Variants in RTN1 observed in about 807,000 individuals in gnomAD.
RTN1 encodes reticulon 1.
RTN1 carries 25 observed loss-of-function variants against 65.5 expected under a neutral mutation model. The ratio of observed to expected loss-of-function variants is 0.38; its 90% CI spans 0.28 to 0.53. The LOEUF (loss-of-function observed/expected upper bound fraction) is 0.53, where lower values mean the gene tolerates loss of function less well. Ranked by LOEUF, RTN1 falls within the 20% of genes least tolerant of loss-of-function variation. The pLI, the probability that RTN1 is intolerant of heterozygous loss-of-function variation, is 0.79. For synonymous variants in RTN1, 471 were observed against 447.6 expected (o/e 1.05, Z -0.66); for missense variants, 983 against 1,025.4 (o/e 0.96, Z 0.57).
intron 3 of RTN1, among the ~76,000 whole-genome samples, chr14:59,687,478 C>T (rs567101065): frequency 1.3e-5 from 2 of 151,896 alleles, no homozygotes; most frequent in South Asian, 2.1e-4. Context: ...AGAGCACCTG[C>T]TCCCAAAGAC....
chr14:59,857,935 C>T (rs1347057567), intron 1 of RTN1, among the ~76,000 whole-genome samples: 3 of 152,164 alleles, frequency 2.0e-5, no homozygotes, highest in Admixed American at 6.5e-5. Context: ...ACTCAGACTG[C>T]CTTTCTGCTC....
chr14:59,627,754 AG>A (rs1882438901), intron 3 of RTN1, among the ~76,000 whole-genome samples: 1 of 152,208 alleles, frequency 6.6e-6, no homozygotes. Context: ...TGTGCACTAC[AG>A]TGTTTATGGC....
At chr14:59,649,665 G>T (rs1217533831) in intron 3 of RTN1, among the ~76,000 whole-genome samples, 1 of 152,142 alleles carries the variant, frequency 6.6e-6, no homozygotes, top group Non-Finnish European at 1.5e-5. Flanking sequence ...ATCATCACTG[G>T]TCATTATAGA....
At chr14:59,606,267 T>G (rs1362273157) in intron 4 of RTN1, among the ~76,000 whole-genome samples, 1 of 151,646 alleles carries the variant, frequency 6.6e-6, no homozygotes, top group African/African-American at 2.4e-5. Flanking sequence ...CTTTAAGTGC[T>G]TACTTAACCC....
intron 3 of RTN1, among the ~76,000 whole-genome samples, chr14:59,689,826 A>G (rs1179334527): frequency 6.6e-6 from 1 of 152,156 alleles, no homozygotes; most frequent in African/African-American, 2.4e-5. Context: ...ATAAAAGCAA[A>G]AGAATGAATG....
chr14:59,665,394 G>A (rs1883345285), intron 3 of RTN1, among the ~76,000 whole-genome samples: 1 of 152,158 alleles, frequency 6.6e-6, no homozygotes, highest in Admixed American at 6.6e-5. Context: ...CAAATGCTGA[G>A]AGATTTTGTC....
intron 1 of RTN1, among the ~76,000 whole-genome samples, chr14:59,764,400 A>C (rs1189291437): frequency 6.6e-6 from 1 of 151,442 alleles, no homozygotes; most frequent in African/African-American, 2.4e-5. Flanking sequence ...GGCTCACTGC[A>C]ACCTCCGCCT....
At chr14:59,813,691 A>C (rs1045495694) in intron 1 of RTN1, among the ~76,000 whole-genome samples, 6 of 152,214 alleles carry the variant, frequency 3.9e-5, no homozygotes, top group African/African-American at 1.4e-4. Context: ...ACATTGCTCT[A>C]TTTTCCTCAG....
At chr14:59,610,324 G>A (rs1881908640) in intron 3 of RTN1, 1 of 570,068 alleles carries the variant, frequency 1.8e-6, no homozygotes. Context: ...ATTGCAGGAG[G>A]TTTCTAATAA....
rs139910085 is a variant in RTN1 at position 59,749,206 on chromosome 14, A to C, written c.242-2725T>G. 3.5e-3 allele frequency among the ~76,000 whole-genome samples: 333 copies of C among 94,116 alleles called. 61 individuals carry two copies. Among genetic ancestry groups the C allele is most frequent in the African/African-American group, 0.021 (292 of 13,710 alleles). The allele number at this position is 94,116 out of a possible 152,430, so 61.7% of individuals were successfully genotyped here. On this transcript the variant is annotated intron_variant, in intron 1 of 8. Transcript: ENST00000267484. ...TATCTATCTATATATATCTATATATATATCTATATATATCTATATATCTAT... is the reference window on the plus strand; with the variant it reads ...TATCTATCTATATATATCTATATATCTATCTATATATATCTATATATCTAT...
At chr14:59,775,604 T>C (rs539432374) in intron 1 of RTN1, among the ~76,000 whole-genome samples, 3 of 152,284 alleles carry the variant, frequency 2.0e-5, no homozygotes, top group Non-Finnish European at 4.4e-5. Context: ...CTATTAATTA[T>C]TCCCATTTAA....
At chr14:59,701,884 T>C (rs979134554) in intron 3 of RTN1, among the ~76,000 whole-genome samples, 1 of 152,138 alleles carries the variant, frequency 6.6e-6, no homozygotes. Context: ...AAATTGGATA[T>C]AGTTTGCTGA....
intron 3 of RTN1, chr14:59,630,406 C>T: frequency 6.2e-7 from 1 of 1,612,304 alleles, no homozygotes. Flanking sequence ...CCGGGTTTCC[C>T]GTGCGCCTCA....
chr14:59,870,471 T>A lies in RTN1; in HGVS notation c.160A>T (p.Arg54Trp). The A allele has an allele frequency of 6.8e-7, 1 of 1,480,346 alleles. No homozygotes were observed. The highest frequency in any genetic ancestry group is 1.3e-5 in the South Asian group (1 of 77,856). 91.7% of individuals were successfully genotyped at this position (1,480,346 alleles called of 1,614,324 possible). A position where few individuals can be genotyped will look rare whatever the true frequency, so the allele number is the denominator to read the frequency against. The change falls in exon 1 of 9, where the codon AGG (arginine) becomes TGG (tryptophan). Residue 54 changes from arginine to tryptophan, a missense_variant. Around this residue, in one of 2 missense-constraint regions of RTN1, gnomAD observed 818 missense variants for 801.8 expected, o/e 1.02. Coordinates refer to ENST00000267484, the MANE Select transcript of RTN1 (RefSeq NM_021136.3). This position sits in a 1 kb window ranked among gnomAD's most constrained non-coding sequence, Gnocchi z 5.1. The part of the protein sequence containing the change: ...AGEPSPGLGA[R>W]AREAASREAG... ...TCCCGCGACGCCGCTTCCCGGGCCC[T>A]GGCGCCCAACCCCGGGCTGGGCTCC...
chr14:59,619,111 G>C (rs1357572145), intron 3 of RTN1, among the ~76,000 whole-genome samples: 2 of 152,198 alleles, frequency 1.3e-5, no homozygotes, highest in African/African-American at 4.8e-5. Flanking sequence ...AGATGGGGTG[G>C]ATAAAAGGAA....
chr14:59,845,225 A>G (rs566470221), intron 1 of RTN1, among the ~76,000 whole-genome samples: 1 of 152,312 alleles, frequency 6.6e-6, no homozygotes, highest in Admixed American at 6.5e-5. Flanking sequence ...AATACTCTTT[A>G]TAACCATTAA....
At chr14:59,736,262 T>A (rs900801293) in intron 2 of RTN1, among the ~76,000 whole-genome samples, 8 of 150,950 alleles carry the variant, frequency 5.3e-5, no homozygotes, top group African/African-American at 1.7e-4. Context: ...AAAAATAATT[T>A]TAAAAATCAA....
chr14:59,824,143 A>G (rs1433166892), intron 1 of RTN1, among the ~76,000 whole-genome samples: 1 of 152,230 alleles, frequency 6.6e-6, no homozygotes, highest in African/African-American at 2.4e-5. Context: ...TGGATGTAGT[A>G]AAGATTCAAT....
chr14:59,618,486 G>C (rs890348801), intron 3 of RTN1, among the ~76,000 whole-genome samples: 44 of 152,200 alleles, frequency 2.9e-4, no homozygotes, highest in African/African-American at 9.6e-4. Context: ...ACTGGCTTCC[G>C]CCCACCCACA....
Sources: gnomAD v4.1 joint callset for allele counts (sites outside exome capture counted in the v4.1 genomes callset) on GRCh38, gnomAD v4.1.1 for gene constraint, gnomAD v4.1.1 regional missense constraint, Gnocchi (gnomAD v3.1) non-coding constraint, MANE v1.5 for transcripts, NCBI Gene and HGNC (gene_info 2026-07-23, HGNC 2026-07-21) for gene names.